Variants in FNDC3B observed in about 807,000 individuals in gnomAD.
FNDC3B encodes fibronectin type III domain-containing protein 3B.
In FNDC3B, 12 loss-of-function variants were observed where a neutral mutation model predicts 151.5. The observed-to-expected ratio is 0.08, with a 90% CI of 0.05 to 0.13. The LOEUF (loss-of-function observed/expected upper bound fraction) is 0.13. FNDC3B is among the 10% of genes least tolerant of loss of function. FNDC3B has a pLI of 1.00. For synonymous variants in FNDC3B, 528 were observed against 549.0 expected (o/e 0.96, Z 0.54); for missense variants, 1,214 against 1,505.3 (o/e 0.81, Z 3.20).
chr3:172,150,477 T>A (rs574546150), intron 3 of FNDC3B, among the ~76,000 whole-genome samples: 25 of 152,076 alleles, frequency 1.6e-4, no homozygotes, highest in African/African-American at 4.8e-4. Context: ...CTGAGCTAGA[T>A]GGGATGGCCT....
At chr3:172,048,125 G>A (rs763373497) in intron 1 of FNDC3B, among the ~76,000 whole-genome samples, 4 of 152,048 alleles carry the variant, frequency 2.6e-5, no homozygotes, top group African/African-American at 4.8e-5. Context: ...GATATTTTAC[G>A]TTTTATACTC....
chr3:172,316,657 T>C (rs1193308868), intron 11 of FNDC3B, among the ~76,000 whole-genome samples: 1 of 152,254 alleles, frequency 6.6e-6, no homozygotes, highest in Non-Finnish European at 1.5e-5. Flanking sequence ...ATTTGAACCA[T>C]ACAGAACACT....
At chr3:172,057,532 TG>T (rs1471674329) in intron 1 of FNDC3B, among the ~76,000 whole-genome samples, 3 of 152,066 alleles carry the variant, frequency 2.0e-5, no homozygotes, top group African/African-American at 7.2e-5. Flanking sequence ...TAAAAGGGGT[TG>T]GGGGGAAGAA....
chr3:172,238,860 A>G lies in FNDC3B; in HGVS notation c.265-8673A>G, dbSNP rs1242218776. ...TGGAGATGTTTGATCTTTCTGTATAAATGTTTGTGATAAAATCATGCTTAT... is the reference window on the plus strand; with the variant it reads ...TGGAGATGTTTGATCTTTCTGTATAGATGTTTGTGATAAAATCATGCTTAT... On this transcript the variant is annotated intron_variant, in intron 4 of 25. Transcript: ENST00000415807. 5.9e-5 allele frequency among the ~76,000 whole-genome samples: 9 copies of G among 152,282 alleles called. No individual in the cohort carries two copies. In the East Asian group the frequency reaches 1.7e-3, roughly 29 times the overall value.
intron 25 of FNDC3B, among the ~76,000 whole-genome samples, chr3:172,389,255 A>G (rs1735881728): frequency 1.3e-5 from 2 of 152,182 alleles, no homozygotes; most frequent in Non-Finnish European, 2.9e-5. Flanking sequence ...AAATTGAGAC[A>G]TTACATTTCA....
chr3:172,258,012 C>T lies in FNDC3B; in HGVS notation c.790+6471C>T, dbSNP rs1043317622. On this transcript the variant is annotated intron_variant, in intron 6 of 25. Transcript: ENST00000415807. ...TTTAAGTTGAAGTATGTTCCTTGTA[C>T]TATCTGTATCATGATAAATATATAC... Among the ~76,000 whole-genome samples, 3 of 152,246 alleles carry T rather than the reference C, an allele frequency of 2.0e-5. No individual in the cohort carries two copies. In the South Asian group the frequency reaches 6.2e-4, roughly 32 times the overall value.
At chr3:172,239,233 G>A (rs1429304167) in intron 4 of FNDC3B, among the ~76,000 whole-genome samples, 3 of 152,104 alleles carry the variant, frequency 2.0e-5, no homozygotes, top group Admixed American at 1.3e-4. Context: ...GTGAGCACCA[G>A]CCTGCTTGGG....
chr3:172,355,368 T>G (rs888102374), intron 22 of FNDC3B, among the ~76,000 whole-genome samples: 3 of 152,144 alleles, frequency 2.0e-5, no homozygotes, highest in African/African-American at 7.2e-5. Context: ...CCTCTCTATA[T>G]CTAAAATCAA....
intron 3 of FNDC3B, among the ~76,000 whole-genome samples, chr3:172,160,821 A>T (rs1427334745): frequency 4.6e-5 from 7 of 152,234 alleles, no homozygotes; most frequent in Non-Finnish European, 8.8e-5. Flanking sequence ...AACTGTCATA[A>T]ATCCAGAGTA....
At chr3:172,047,520 T>C (rs1163056011) in intron 1 of FNDC3B, among the ~76,000 whole-genome samples, 1 of 152,222 alleles carries the variant, frequency 6.6e-6, no homozygotes, top group Non-Finnish European at 1.5e-5. Context: ...AAAATCAATT[T>C]ACTTAAAAGC....
At chr3:172,136,461 T>TG (rs1421728031) in intron 3 of FNDC3B, among the ~76,000 whole-genome samples, 1 of 152,118 alleles carries the variant, frequency 6.6e-6, no homozygotes, top group Admixed American at 6.5e-5. Context: ...AGCTTCCAGG[T>TG]GGGGCTTCCA....
rs541436387 is a variant in FNDC3B at position 172,155,372 on chromosome 3, G to C, written c.187+21826G>C. ...GTTTTGGTATATGGTGTAACCCTTA[G>C]TTCCTGGTGTGTCAGTTGTCTACAC... On this transcript the variant is annotated intron_variant, in intron 3 of 25. Coordinates refer to ENST00000415807, the MANE Select transcript of FNDC3B (RefSeq NM_022763.4). Among the ~76,000 whole-genome samples, 19 of 152,296 alleles carry C rather than the reference G, an allele frequency of 1.2e-4. 1 individual carries two copies. In the South Asian group the frequency reaches 3.1e-3, roughly 25 times the overall value.
chr3:172,228,089 G>A (rs931503636), intron 4 of FNDC3B, among the ~76,000 whole-genome samples: 17 of 151,818 alleles, frequency 1.1e-4, no homozygotes, highest in Middle Eastern at 6.8e-3. Context: ...ATTTCTTACT[G>A]AGTTACTTAC....
chr3:172,076,823 A>G (rs1314344288), intron 1 of FNDC3B, among the ~76,000 whole-genome samples: 1 of 152,154 alleles, frequency 6.6e-6, no homozygotes, highest in Non-Finnish European at 1.5e-5. Flanking sequence ...CACTTTTTAA[A>G]TAAAATTATA....
intron 1 of FNDC3B, among the ~76,000 whole-genome samples, chr3:172,073,333 A>T (rs1187782136): frequency 6.6e-6 from 1 of 152,184 alleles, no homozygotes; most frequent in African/African-American, 2.4e-5. Context: ...TTCCATTTGT[A>T]ATTCTCAAGT....
At chr3:172,388,184 A>C (rs1290586853) in intron 25 of FNDC3B, among the ~76,000 whole-genome samples, 1 of 152,162 alleles carries the variant, frequency 6.6e-6, no homozygotes, top group African/African-American at 2.4e-5. Context: ...AAAGAGATGA[A>C]GGTAAGCCTC....
At chr3:172,299,849 G>A (rs140020169) in intron 9 of FNDC3B, among the ~76,000 whole-genome samples, 5 of 151,948 alleles carry the variant, frequency 3.3e-5, no homozygotes, top group East Asian at 1.9e-4. Context: ...TTTTAACTTT[G>A]GTCAATTCAC....
At chr3:172,309,866 C>G (rs2108249759) in intron 10 of FNDC3B, among the ~76,000 whole-genome samples, 1 of 152,294 alleles carries the variant, frequency 6.6e-6, no homozygotes, top group Non-Finnish European at 1.5e-5. Flanking sequence ...TATTAAACAG[C>G]TAGCACCAGA....
At chr3:172,135,765 A>T (rs1319075983) in intron 3 of FNDC3B, among the ~76,000 whole-genome samples, 2 of 152,190 alleles carry the variant, frequency 1.3e-5, no homozygotes, top group Admixed American at 6.5e-5. Context: ...AGACTCATTG[A>T]CTGCCACTAA....
Sources: gnomAD v4.1 joint callset for allele counts (sites outside exome capture counted in the v4.1 genomes callset) on GRCh38, gnomAD v4.1.1 for gene constraint, MANE v1.5 for transcripts, NCBI Gene and HGNC (gene_info 2026-07-23, HGNC 2026-07-21) for gene names.